The following KIAA1217 variants were observed in gnomAD, a reference collection of about 807,000 sequenced individuals.
KIAA1217 encodes KIAA1217, also known as sickle tail protein homolog.
In KIAA1217, 88 loss-of-function variants were observed where a neutral mutation model predicts 163.9. That is an observed-to-expected ratio of 0.54 (90% CI 0.45 to 0.64). KIAA1217 has a LOEUF of 0.64. Among genes scored for constraint, KIAA1217 ranks in the 30% least tolerant of loss-of-function variants. KIAA1217 has a pLI of 0.00. For missense variants in KIAA1217, 2,372 were observed against 2,475.0 expected, an observed-to-expected ratio of 0.96 and a Z score of 0.88; for synonymous variants, 903 against 923.1, an observed-to-expected ratio of 0.98 and a Z score of 0.39.
At chr10:23,857,301 T>A (rs1396230325) in intron 1 of KIAA1217, among the ~76,000 whole-genome samples, 1 of 152,190 alleles carries the variant, frequency 6.6e-6, no homozygotes, top group Non-Finnish European at 1.5e-5. Context: ...TTTTGTCACC[T>A]CTTCTGAGCA....
Position 24,520,158 on chromosome 10 carries a change from A to C in KIAA1217, c.2213A>C (p.Asp738Ala), listed in dbSNP as rs1592615947. 1 of 1,613,700 alleles carries C rather than the reference A, an allele frequency of 6.2e-7. No individual in the cohort carries two copies. The highest frequency in any genetic ancestry group is 8.5e-7 in the Non-Finnish European group (1 of 1,179,908). ...GACTTTGTTGAAGACTTGAAGAAGGACTCCACGGCAGCCAGCCGATTGGTT... is the reference window on the plus strand; with the variant it reads ...GACTTTGTTGAAGACTTGAAGAAGGCCTCCACGGCAGCCAGCCGATTGGTT... ...LEDFVEDLKKDSTAASRLVTL... is the reference protein window; with the variant it reads ...LEDFVEDLKKASTAASRLVTL... Residue 738 changes from aspartate to alanine, a missense_variant, in exon 11 of 21, where the codon GAC becomes GCC. Asp to Ala is a moderately radical substitution (Grantham distance 126). Transcript: ENST00000376454.
At chr10:24,149,491 T>G (rs1270612466) in intron 2 of KIAA1217, among the ~76,000 whole-genome samples, 2 of 152,110 alleles carry the variant, frequency 1.3e-5, no homozygotes, top group African/African-American at 2.4e-5. Context: ...GCCCTATTTT[T>G]TTTTAATGTA....
chr10:24,401,731 C>A (rs2056548904), intron 3 of KIAA1217, among the ~76,000 whole-genome samples: 1 of 151,972 alleles, frequency 6.6e-6, no homozygotes, highest in Admixed American at 6.6e-5. Context: ...CTGCAATAGG[C>A]AGGAAAAAGA....
intron 2 of KIAA1217, among the ~76,000 whole-genome samples, chr10:24,262,394 G>T (rs1030916913): frequency 6.6e-6 from 1 of 152,164 alleles, no homozygotes; most frequent in Non-Finnish European, 1.5e-5. Context: ...TTGGGAGGCC[G>T]AGGTGGGTGG....
intron 1 of KIAA1217, among the ~76,000 whole-genome samples, chr10:23,806,080 A>T (rs2130969919): frequency 6.6e-6 from 1 of 151,796 alleles, no homozygotes; most frequent in African/African-American, 2.4e-5. Context: ...AAATGATAAA[A>T]TTTTTGTCTA....
chr10:24,528,005 C>T lies in KIAA1217; in HGVS notation c.2968C>T (p.Leu990Phe). Residue 990 changes from leucine (L) to phenylalanine (F), a missense_variant, in exon 14 of 21, where the codon CTC (leucine) becomes TTC (phenylalanine). Transcript: ENST00000376454. The part of the protein sequence containing the change: ...DHYNGKEFEK[L>F]LEEAQANIMK... ...CTATAATGGGAAAGAGTTTGAGAAG[C>T]TCCTAGAAGAAGCTCAGGCCAATAT... The T allele has an allele frequency of 6.2e-7, 1 of 1,614,106 alleles. No homozygotes were observed. The highest frequency in any genetic ancestry group is 8.5e-7 in the Non-Finnish European group (1 of 1,179,982).
chr10:23,818,250 T>C (rs1329643599), intron 1 of KIAA1217, among the ~76,000 whole-genome samples: 8 of 143,448 alleles, frequency 5.6e-5, no homozygotes, highest in Non-Finnish European at 1.2e-4. Context: ...ATACATAATA[T>C]ATATTTTATA....
At position 24,424,317 on chromosome 10, in the gene KIAA1217, T is replaced by C. The variant is rs2059007445; in HGVS notation, c.554-8678T>C. On this transcript the variant is annotated intron_variant, in intron 3 of 20. Transcript: ENST00000376454. ...AATCGCTGCTGTGTTTGAAACAAAA[T>C]GTCAGCTGGTGTTAGGTAAGAATTG... 7.3e-5 allele frequency among the ~76,000 whole-genome samples: 11 copies of C among 151,086 alleles called. No homozygotes were observed. In the South Asian group the frequency reaches 2.3e-3, roughly 31 times the overall value.
intron 2 of KIAA1217, among the ~76,000 whole-genome samples, chr10:24,320,286 C>A (rs902848191): frequency 6.6e-6 from 1 of 152,124 alleles, no homozygotes; most frequent in African/African-American, 2.4e-5. Flanking sequence ...GGTACCCATC[C>A]ACCCAAAAGC....
At chr10:24,091,535 T>A (rs1392176977) in intron 2 of KIAA1217, among the ~76,000 whole-genome samples, 1 of 151,848 alleles carries the variant, frequency 6.6e-6, no homozygotes, top group East Asian at 1.9e-4. Context: ...ATTGCCAAAC[T>A]GTACACAGTA....
intron 1 of KIAA1217, among the ~76,000 whole-genome samples, chr10:23,839,233 G>A (rs1341350096): frequency 2.6e-5 from 4 of 151,660 alleles, no homozygotes; most frequent in African/African-American, 9.7e-5. Context: ...TTCTTTTCTT[G>A]TTTCATGGCC....
Position 24,501,561 on chromosome 10 carries a change from G to A in KIAA1217, c.2001+16G>A, listed in dbSNP as rs371264885. On this transcript the variant is annotated intron_variant, in intron 9 of 20. Coordinates refer to ENST00000376454, the MANE Select transcript of KIAA1217 (RefSeq NM_019590.5). ...GCAGCTCCAGGTATTCCTCATGCACGGCGGCCTCTGTCTCGGTTGCCCTGA... is the reference window on the plus strand; with the variant it reads ...GCAGCTCCAGGTATTCCTCATGCACAGCGGCCTCTGTCTCGGTTGCCCTGA... 87 of 1,607,110 alleles carry A rather than the reference G, an allele frequency of 5.4e-5. No individual in the cohort carries two copies. The highest frequency in any genetic ancestry group is 6.9e-5 in the Non-Finnish European group (81 of 1,177,096).
chr10:24,539,460 A>G (rs1419854431), intron 17 of KIAA1217, among the ~76,000 whole-genome samples: 2 of 151,618 alleles, frequency 1.3e-5, no homozygotes, highest in East Asian at 3.9e-4. Flanking sequence ...TCAACTACTG[A>G]CCTCAGGTGA....
intron 4 of KIAA1217, among the ~76,000 whole-genome samples, chr10:24,434,054 T>C (rs934023565): frequency 1.1e-5 from 1 of 94,892 alleles, no homozygotes; most frequent in Admixed American, 1.1e-4. Context: ...TTTTTTTTTT[T>C]ATGAGACAGT....
rs186846899 is a variant in KIAA1217, at chr10:23,898,048, A to G, written c.-320-109177A>G. Among the ~76,000 whole-genome samples, 16 of 152,102 alleles carry G rather than the reference A, an allele frequency of 1.1e-4. No individual in the cohort carries two copies. In the East Asian group the frequency reaches 2.9e-3, roughly 28 times the overall value. The stretch of plus-strand genomic sequence containing the variant: ...GAGAAAGTGCCAGAGCATCTGTGAT[A>G]TGGCTGTTTTCCCTGGTGCTGGTGC... On this transcript the variant is annotated intron_variant, in intron 1 of 18. Coordinates refer to the KIAA1217 transcript ENST00000376462.
At chr10:24,350,118 A>C (rs2048278364) in intron 2 of KIAA1217, among the ~76,000 whole-genome samples, 1 of 152,198 alleles carries the variant, frequency 6.6e-6, no homozygotes, top group Non-Finnish European at 1.5e-5. Flanking sequence ...CATTTTTTTA[A>C]AGAAAGAGAA....
chr10:24,434,909 C>T (rs948691322), intron 4 of KIAA1217, among the ~76,000 whole-genome samples: 15 of 152,208 alleles, frequency 9.9e-5, no homozygotes, highest in Non-Finnish European at 2.2e-4. Context: ...CCAAATATGG[C>T]TGTTCACACT....
intron 1 of KIAA1217, among the ~76,000 whole-genome samples, chr10:23,988,467 A>C (rs1846077783): frequency 6.6e-6 from 1 of 152,210 alleles, no homozygotes; most frequent in Non-Finnish European, 1.5e-5. Context: ...TAATCATTGA[A>C]TTCTATGATT....
chr10:24,151,694 G>T lies in KIAA1217; in HGVS notation c.-170-67932G>T, dbSNP rs557884453. 2.6e-5 allele frequency among the ~76,000 whole-genome samples: 4 copies of T among 151,478 alleles called. No homozygotes were observed. The South Asian group carries it at 8.4e-4, about 32-fold the overall frequency. The stretch of plus-strand genomic sequence containing the variant: ...AATCCCTCCCTGAATTTTGCTGAGT[G>T]GTACCACGGAAGGCCCCTTGCTAGA... On this transcript the variant is annotated intron_variant, in intron 2 of 18. Transcript: ENST00000376462.
Sources: gnomAD v4.1 joint callset for allele counts (sites outside exome capture counted in the v4.1 genomes callset) on GRCh38, gnomAD v4.1.1 for gene constraint, MANE v1.5 for transcripts, NCBI Gene and HGNC (gene_info 2026-07-23, HGNC 2026-07-21) for gene names.